Variants in NRG3 observed in about 807,000 individuals in gnomAD.
NRG3 encodes neuregulin 3.
A neutral mutation model predicts 66.9 loss-of-function variants in NRG3; 31 were observed. The observed-to-expected ratio is 0.46, with a 90% confidence interval of 0.35 to 0.63. The LOEUF (loss-of-function observed/expected upper bound fraction) is 0.63, where lower values mean the gene tolerates loss of function less well. Ranked by LOEUF, NRG3 falls within the 20% of genes least tolerant of loss-of-function variation. The probability of loss-of-function intolerance (pLI) is 0.00; values close to 1 mark genes in which losing one functional copy is unlikely to be tolerated. For synonymous variants in NRG3, 393 were observed against 359.4 expected (o/e 1.09, Z -1.06); for missense variants, 910 against 878.9 (o/e 1.04, Z -0.45).
chr10:82,533,641 T>C (rs1241487325), intron 2 of NRG3, among the ~76,000 whole-genome samples: 1 of 152,146 alleles, frequency 6.6e-6, no homozygotes, highest in Non-Finnish European at 1.5e-5. Context: ...TTATACTCAA[T>C]GGTGAAAAAC....
At chr10:82,634,497 T>A (rs2050053309) in intron 2 of NRG3, among the ~76,000 whole-genome samples, 1 of 152,188 alleles carries the variant, frequency 6.6e-6, no homozygotes, top group Non-Finnish European at 1.5e-5. Context: ...ATTTGGGAGA[T>A]GCACATTTTT....
At chr10:82,379,910 CAAAAAAAA>C (rs11423046) in intron 2 of NRG3, among the ~76,000 whole-genome samples, 5 of 78,564 alleles carry the variant, frequency 6.4e-5, no homozygotes, top group African/African-American at 8.4e-5. Flanking sequence ...ATGAACAATC[CAAAAAAAA>C]AAAAAAAGAA....
intron 1 of NRG3, among the ~76,000 whole-genome samples, chr10:82,193,931 G>T (rs1034821458): frequency 6.6e-6 from 1 of 152,140 alleles, no homozygotes; most frequent in East Asian, 1.9e-4. Flanking sequence ...AAACAGAAGA[G>T]ATCTCAGGAT....
intron 2 of NRG3, among the ~76,000 whole-genome samples, chr10:82,618,302 G>A (rs1330632281): frequency 6.6e-6 from 1 of 152,106 alleles, no homozygotes; most frequent in Admixed American, 6.5e-5. Context: ...CCTGCAGAGA[G>A]GGACAGTGAT....
chr10:82,718,962 A>G (rs146321983), intron 2 of NRG3, among the ~76,000 whole-genome samples: 1,680 of 152,288 alleles, frequency 0.011, 32 homozygotes, highest in African/African-American at 0.031. Context: ...AGCTTTCTTT[A>G]TTTAAAACCA....
At chr10:82,753,845 G>T (rs1032944027) in intron 3 of NRG3, among the ~76,000 whole-genome samples, 1 of 151,624 alleles carries the variant, frequency 6.6e-6, no homozygotes, top group African/African-American at 2.4e-5. Context: ...TCTTTGGGAG[G>T]TTGAGGCAGG....
intron 2 of NRG3, among the ~76,000 whole-genome samples, chr10:82,458,057 T>A (rs2091352645): frequency 6.6e-6 from 1 of 152,190 alleles, no homozygotes; most frequent in Admixed American, 6.5e-5. Context: ...GACAGGGCAG[T>A]CTGCCACTGG....
At chr10:82,097,502 A>G (rs893927454) in intron 1 of NRG3, among the ~76,000 whole-genome samples, 1 of 139,850 alleles carries the variant, frequency 7.2e-6, no homozygotes, top group East Asian at 2.0e-4. Context: ...TATATGTTAG[A>G]TACAGATATA....
At chr10:82,210,863 G>A (rs924715485) in intron 1 of NRG3, among the ~76,000 whole-genome samples, 1 of 150,426 alleles carries the variant, frequency 6.6e-6, no homozygotes, top group Non-Finnish European at 1.5e-5. Context: ...GTAGCTCCTT[G>A]ATATTAATGC....
intron 1 of NRG3, among the ~76,000 whole-genome samples, chr10:82,274,530 A>C (rs977255127): frequency 6.6e-6 from 1 of 152,036 alleles, no homozygotes; most frequent in Non-Finnish European, 1.5e-5. Context: ...TATTTTATGA[A>C]CAATAATATG....
chr10:82,191,476 T>A (rs1297001122), intron 1 of NRG3, among the ~76,000 whole-genome samples: 1 of 152,160 alleles, frequency 6.6e-6, no homozygotes, highest in East Asian at 1.9e-4. Flanking sequence ...GTTCATCATT[T>A]ATTTCTACAT....
intron 1 of NRG3, among the ~76,000 whole-genome samples, chr10:82,041,852 G>C (rs4485049): frequency 0.64 from 96,526 of 151,496 alleles, 32,300 homozygotes; most frequent in South Asian, 0.87. Context: ...AAATGGCATT[G>C]CATTGCAATC....
intron 4 of NRG3, among the ~76,000 whole-genome samples, chr10:82,933,586 A>G (rs183058297): frequency 2.2e-4 from 33 of 152,290 alleles, no homozygotes; most frequent in Admixed American, 1.8e-3. Context: ...ATTCGTCTTT[A>G]TAGCCAAAGT....
chr10:82,667,246 G>C (rs1460326465), intron 2 of NRG3, among the ~76,000 whole-genome samples: 2 of 152,174 alleles, frequency 1.3e-5, no homozygotes, highest in Non-Finnish European at 2.9e-5. Flanking sequence ...GTGGCACACA[G>C]AGATTTTTGT....
chr10:82,399,808 C>A (rs536746263), intron 2 of NRG3, among the ~76,000 whole-genome samples: 1 of 152,290 alleles, frequency 6.6e-6, no homozygotes, highest in Admixed American at 6.5e-5. Flanking sequence ...TGAGCCAAAG[C>A]AGAATCACAG....
rs79724365 is a variant in NRG3, at chr10:81,898,216, G to C, written c.823+22053G>C. ...GAGAAGAAAAAGGAAGAAAGTGAGG[G>C]GGAAGCCAAGTGTTTGAGCAGTGGA... On this transcript the variant is annotated intron_variant, in intron 1 of 8. Coordinates refer to ENST00000372141, the MANE Select transcript of NRG3 (RefSeq NM_001010848.4). 2.7e-3 allele frequency among the ~76,000 whole-genome samples: 418 copies of C among 152,300 alleles called. 3 individuals are homozygous for C. Among genetic ancestry groups the C allele is most frequent in the African/African-American group, 9.7e-3 (403 of 41,558 alleles).
intron 1 of NRG3, among the ~76,000 whole-genome samples, chr10:82,045,115 A>C (rs2063219540): frequency 7.1e-6 from 1 of 139,898 alleles, no homozygotes; most frequent in Non-Finnish European, 1.6e-5. Context: ...TGGTATTTCT[A>C]GTTCTAGATC....
chr10:82,251,812 A>G (rs2077502441), intron 1 of NRG3, among the ~76,000 whole-genome samples: 1 of 152,172 alleles, frequency 6.6e-6, no homozygotes, highest in African/African-American at 2.4e-5. Flanking sequence ...ATTAACTCCA[A>G]TCACTGCAGG....
At chr10:82,880,588 T>C (rs1842217891) in intron 4 of NRG3, among the ~76,000 whole-genome samples, 1 of 152,162 alleles carries the variant, frequency 6.6e-6, no homozygotes, top group Non-Finnish European at 1.5e-5. Flanking sequence ...AATGGTGTGT[T>C]TTCTCCAAAT....
Sources: gnomAD v4.1 joint callset for allele counts (sites outside exome capture counted in the v4.1 genomes callset) on GRCh38, gnomAD v4.1.1 for gene constraint, MANE v1.5 for transcripts, NCBI Gene and HGNC (gene_info 2026-07-23, HGNC 2026-07-21) for gene names.